Variants in ITPR1 observed in about 807,000 individuals in gnomAD.
ITPR1 encodes inositol 1,4,5-trisphosphate-gated calcium channel ITPR1.
In ITPR1, 96 loss-of-function variants were observed where a neutral mutation model predicts 318.4. The observed-to-expected ratio is 0.30, with a 90% CI of 0.26 to 0.36. ITPR1 has a LOEUF of 0.36. ITPR1 is among the 10% of genes least tolerant of loss of function. The pLI is 1.00. For missense variants in ITPR1, 2,440 were observed against 3,460.2 expected (o/e 0.71, Z 7.40); for synonymous variants, 1,312 against 1,289.9 (o/e 1.02, Z -0.37).
In ITPR1 at chr3:4,813,297, C is replaced by G. The variant is rs559114532; in HGVS notation, c.7561+63C>G. ...GACTCCTCCAGAGGCTTAGCTGATG[C>G]AGGTGATGTTGGAAGAAGATTAAAT... is the stretch of plus-strand genomic sequence containing the variant. On this transcript the variant is annotated intron_variant, in intron 57 of 61. Transcript: ENST00000649015. 6 of 1,118,828 alleles carry G rather than the reference C, an allele frequency of 5.4e-6. No homozygotes were observed. In the African/African-American group the frequency reaches 9.4e-5, roughly 17 times the overall value. 69.3% of individuals were successfully genotyped at this position (1,118,828 alleles called of 1,614,324 possible).
chr3:4,716,492 G>A (rs1344959476), intron 39 of ITPR1, among the ~76,000 whole-genome samples: 3 of 152,288 alleles, frequency 2.0e-5, no homozygotes, highest in African/African-American at 7.2e-5. Context: ...CTGAATAGTA[G>A]TAGCTGTTTT....
intron 4 of ITPR1, among the ~76,000 whole-genome samples, chr3:4,541,750 C>T (rs1489146052): frequency 2.6e-5 from 4 of 152,100 alleles, no homozygotes; most frequent in East Asian, 3.9e-4. Flanking sequence ...CTCAGCCTCC[C>T]GAGTAGCTGG....
rs749888837 is a variant in ITPR1 at position 4,652,249 on chromosome 3, C to G, written c.951+31C>G. 3.9e-6 allele frequency: 6 copies of G among 1,523,078 alleles called. No individual in the cohort carries two copies. The East Asian group carries it at 6.9e-5, about 17-fold the overall frequency. 94.3% of individuals were successfully genotyped at this position (1,523,078 alleles called of 1,614,324 possible). On this transcript the variant is annotated intron_variant, in intron 11 of 61. Coordinates refer to ENST00000649015, the MANE Select transcript of ITPR1 (RefSeq NM_001378452.1). ...TAGCAGCTCCTGTGGTTTTCTCTTT[C>G]AAGGCTGACGCACCTCACCGCCTTT...
At chr3:4,612,913 T>C (rs2092221543) in intron 4 of ITPR1, among the ~76,000 whole-genome samples, 1 of 152,174 alleles carries the variant, frequency 6.6e-6, no homozygotes, top group African/African-American at 2.4e-5. Flanking sequence ...ACAAAACTGC[T>C]GCTTATTAAT....
At chr3:4,503,580 G>C (rs55647430) in intron 2 of ITPR1, among the ~76,000 whole-genome samples, 3 of 151,800 alleles carry the variant, frequency 2.0e-5, no homozygotes, top group Non-Finnish European at 4.4e-5. Context: ...ATTTGGTATC[G>C]TCTGGAGATA....
intron 4 of ITPR1, among the ~76,000 whole-genome samples, chr3:4,598,336 C>G (rs1051146720): frequency 6.6e-6 from 1 of 152,170 alleles, no homozygotes; most frequent in Non-Finnish European, 1.5e-5. Flanking sequence ...AAAATAAAGG[C>G]AGGCTGGGTG....
chr3:4,619,510 C>T (rs1344912832), intron 4 of ITPR1, among the ~76,000 whole-genome samples: 1 of 150,012 alleles, frequency 6.7e-6, no homozygotes, highest in Non-Finnish European at 1.5e-5. Context: ...CTTTCCTCTC[C>T]TTCTGCCCCT....
chr3:4,678,461 T>C (rs1384780813), intron 24 of ITPR1, among the ~76,000 whole-genome samples: 2 of 152,144 alleles, frequency 1.3e-5, no homozygotes, highest in Admixed American at 1.3e-4. Context: ...CTAAGAAGGA[T>C]TGGTCGATTG....
chr3:4,783,866 A>C lies in ITPR1; in HGVS notation c.6561A>C (p.Gln2187His). ...ELQSMLKPGG[Q>H]VDGDEALEFY... is the part of the protein sequence containing the mutation. Reference sequence around the variant, plus strand: ...AGAGCATGCTGAAACCTGGTGGCCAAGTGGACGGAGATGAAGCCCTGGAGT... The same window carrying C: ...AGAGCATGCTGAAACCTGGTGGCCACGTGGACGGAGATGAAGCCCTGGAGT... The change falls in exon 51 of 62, where the codon CAA becomes CAC. Residue 2187 changes from glutamine to histidine, a missense_variant. Gln to His is a conservative substitution (Grantham distance 24). This residue lies in a region of ITPR1 where 115 missense variants were observed against 204.5 expected (regional missense o/e 0.56). Transcript: ENST00000649015. The C allele has an allele frequency of 6.2e-7, 1 of 1,610,688 alleles. No individual in the cohort carries two copies. Among genetic ancestry groups the C allele is most frequent in the Non-Finnish European group, 8.5e-7 (1 of 1,178,528 alleles).
At chr3:4,557,352 G>C (rs1399416508) in intron 4 of ITPR1, among the ~76,000 whole-genome samples, 1 of 152,128 alleles carries the variant, frequency 6.6e-6, no homozygotes, top group Non-Finnish European at 1.5e-5. Flanking sequence ...AGAACAGCAT[G>C]GGAAAGACCC....
chr3:4,620,571 A>G (rs1434611834), intron 4 of ITPR1, among the ~76,000 whole-genome samples: 1 of 151,986 alleles, frequency 6.6e-6, no homozygotes, highest in African/African-American at 2.4e-5. Flanking sequence ...TCATCTGTCA[A>G]GCTCCATCCC....
At chr3:4,666,372 A>G (rs1439828724) in intron 17 of ITPR1, among the ~76,000 whole-genome samples, 1 of 152,150 alleles carries the variant, frequency 6.6e-6, no homozygotes. Context: ...TGATACTGTA[A>G]TCCAATAGCC....
intron 5 of ITPR1, among the ~76,000 whole-genome samples, chr3:4,639,017 C>T (rs1200316139): frequency 1.3e-5 from 2 of 152,126 alleles, no homozygotes; most frequent in East Asian, 3.9e-4. Flanking sequence ...TTCTTTTACT[C>T]CAAAGCCTTA....
chr3:4,577,983 T>A (rs773149648), intron 4 of ITPR1, among the ~76,000 whole-genome samples: 5 of 152,214 alleles, frequency 3.3e-5, no homozygotes, highest in Non-Finnish European at 7.3e-5. Flanking sequence ...TCTTGAAGGA[T>A]AGTTGCATTT....
At chr3:4,845,451 T>A (rs927584280) in intron 61 of ITPR1, among the ~76,000 whole-genome samples, 1 of 152,188 alleles carries the variant, frequency 6.6e-6, no homozygotes, top group African/African-American at 2.4e-5. Flanking sequence ...TAGAATCGGC[T>A]TCTTGTTTGG....
Position 4,714,814 on chromosome 3 carries a change from G to C in ITPR1, c.5104-2553G>C, listed in dbSNP as rs367884924. 9.2e-5 allele frequency among the ~76,000 whole-genome samples: 14 copies of C among 152,302 alleles called. No homozygotes were observed. The East Asian group carries it at 9.6e-4, about 10-fold the overall frequency. On this transcript the variant is annotated intron_variant, in intron 39 of 61. Transcript: ENST00000649015. ...TATTATCCTGTTCAAAAACTTTGGCGTGCCTGTTTGGGTCTCCCTGCCTTG... is the reference window on the plus strand; with the variant it reads ...TATTATCCTGTTCAAAAACTTTGGCCTGCCTGTTTGGGTCTCCCTGCCTTG...
chr3:4,549,951 T>G (rs1337796855), intron 4 of ITPR1, among the ~76,000 whole-genome samples: 3 of 152,176 alleles, frequency 2.0e-5, no homozygotes, highest in Non-Finnish European at 4.4e-5. Context: ...GGTTTGTTCT[T>G]CCCTGCCGCC....
chr3:4,731,110 G>A (rs938856437), intron 42 of ITPR1, among the ~76,000 whole-genome samples: 9 of 152,176 alleles, frequency 5.9e-5, no homozygotes, highest in Non-Finnish European at 1.2e-4. Context: ...TATTCAACAT[G>A]GAGACAACCT....
At chr3:4,596,621 G>A (rs530519836) in intron 4 of ITPR1, among the ~76,000 whole-genome samples, 7 of 152,278 alleles carry the variant, frequency 4.6e-5, no homozygotes, top group Admixed American at 2.6e-4. Flanking sequence ...GGTCATATGG[G>A]TTATATGACT....
Sources: allele counts gnomAD v4.1 joint callset (sites outside exome capture counted in the v4.1 genomes callset), GRCh38; gene constraint gnomAD v4.1.1; regional missense constraint gnomAD v4.1.1; transcripts MANE v1.5; gene names NCBI Gene and HGNC (gene_info 2026-07-23, HGNC 2026-07-21).